IMMP1L: variants seen among roughly 807,000 people sequenced by gnomAD.
IMMP1L encodes the protein inner mitochondrial membrane peptidase subunit 1.
In IMMP1L, 24 loss-of-function variants were observed where a neutral mutation model predicts 21.8. The ratio of observed to expected loss-of-function variants is 1.10; its 90% CI spans 0.80 to 1.55. The LOEUF (loss-of-function observed/expected upper bound fraction) is 1.55, where lower values mean the gene tolerates loss of function less well. Ranked by LOEUF, IMMP1L falls within the 40% of genes most tolerant of loss-of-function variation. The pLI is 0.00. For missense variants in IMMP1L, 195 were observed against 200.7 expected, an observed-to-expected ratio of 0.97 and a Z score of 0.17; for synonymous variants, 46 against 62.8, an observed-to-expected ratio of 0.73 and a Z score of 1.26.
rs367614680 is a variant in IMMP1L, at chr11:31,494,788, G to C, written c.-30+14731C>G. Among the ~76,000 whole-genome samples the C allele has an allele frequency of 5.3e-5, 8 of 152,176 alleles. No individual in the cohort carries two copies. In the East Asian group the frequency reaches 1.4e-3, roughly 26 times the overall value. On this transcript the variant is annotated intron_variant, in intron 1 of 5. Coordinates refer to ENST00000532287, the MANE Select transcript of IMMP1L (RefSeq NM_001304274.2). The stretch of plus-strand genomic sequence containing the variant: ...AGCCTCCCAAGTAGCTGGGACTACA[G>C]GTGCCCGCCACCACGCCCAGCTAAT...
chr11:31,445,757 C>T (rs1953496275), intron 4 of IMMP1L, among the ~76,000 whole-genome samples: 1 of 150,336 alleles, frequency 6.7e-6, no homozygotes, highest in Non-Finnish European at 1.5e-5. Context: ...CAGAGTCTCA[C>T]TCTATTGCCC....
intron 4 of IMMP1L, among the ~76,000 whole-genome samples, chr11:31,441,317 G>C (rs1352453181): frequency 1.3e-5 from 2 of 150,150 alleles, no homozygotes; most frequent in Non-Finnish European, 3.0e-5. Context: ...AGGTGTTTCA[G>C]GGTTGGGCTT....
chr11:31,509,408 CTAGCAATTGCTTG>C, intron 1 of IMMP1L, 98 bp downstream of exon 1: 1 of 216,902 alleles, frequency 4.6e-6, no homozygotes, highest in East Asian at 9.4e-5. Context: ...GAGAAAGGTG[CTAGCAATTGCTTG>C]ATAAGCCCTA....
At chr11:31,453,205 C>T in intron 4 of IMMP1L, 1 of 768,312 alleles carries the variant, frequency 1.3e-6, no homozygotes, top group Admixed American at 3.0e-5. Flanking sequence ...ATAAAATGAT[C>T]CCACATCACT....
intron 1 of IMMP1L, among the ~76,000 whole-genome samples, chr11:31,474,276 GAAC>G (rs1430766798): frequency 6.6e-6 from 1 of 151,822 alleles, no homozygotes; most frequent in Non-Finnish European, 1.5e-5. Context: ...GACAAGTAGA[GAAC>G]AACAAAGACT....
At chr11:31,441,648 G>A (rs1203749538) in intron 4 of IMMP1L, among the ~76,000 whole-genome samples, 1 of 151,914 alleles carries the variant, frequency 6.6e-6, no homozygotes, top group African/African-American at 2.4e-5. Context: ...CTAGTTGTCA[G>A]TAAGTTGAAA....
intron 1 of IMMP1L, among the ~76,000 whole-genome samples, chr11:31,491,249 C>G (rs1955244648): frequency 6.6e-6 from 1 of 152,082 alleles, no homozygotes; most frequent in Non-Finnish European, 1.5e-5. Flanking sequence ...AAAAAGAAAT[C>G]TTAAGAGAAC....
intron 1 of IMMP1L, among the ~76,000 whole-genome samples, chr11:31,466,321 T>C (rs1390905757): frequency 6.6e-6 from 1 of 152,104 alleles, no homozygotes; most frequent in East Asian, 1.9e-4. Flanking sequence ...TGTAAATTAG[T>C]ACAGTCATGG....
intron 1 of IMMP1L, among the ~76,000 whole-genome samples, chr11:31,498,868 A>T (rs1955532238): frequency 6.6e-6 from 1 of 152,236 alleles, no homozygotes. Context: ...CATTACAGGG[A>T]CTACAATAGG....
chr11:31,505,074 C>T (rs1955736246), intron 1 of IMMP1L, among the ~76,000 whole-genome samples: 1 of 152,180 alleles, frequency 6.6e-6, no homozygotes, highest in South Asian at 2.1e-4. Context: ...CTGCTATATG[C>T]TTTACCTGCA....
chr11:31,439,234 C>T (rs1408445485), intron 4 of IMMP1L, among the ~76,000 whole-genome samples: 1 of 152,018 alleles, frequency 6.6e-6, no homozygotes, highest in Non-Finnish European at 1.5e-5. Context: ...CATCCATAGC[C>T]TTCATGTTAA....
intron 1 of IMMP1L, among the ~76,000 whole-genome samples, chr11:31,484,637 T>C (rs1055099515): frequency 2.6e-5 from 4 of 151,966 alleles, no homozygotes; most frequent in Admixed American, 2.0e-4. Context: ...ATTCCCAAAA[T>C]TGGTACTGAG....
At chr11:31,444,588 CTTTTT>C (rs1219601245) in intron 4 of IMMP1L, among the ~76,000 whole-genome samples, 2 of 130,400 alleles carry the variant, frequency 1.5e-5, no homozygotes, top group South Asian at 2.5e-4. Context: ...CATTTCTATT[CTTTTT>C]TTTTTTTTTT....
chr11:31,453,406 T>C (rs981171672), intron 4 of IMMP1L, among the ~76,000 whole-genome samples: 2 of 152,216 alleles, frequency 1.3e-5, no homozygotes, highest in Non-Finnish European at 2.9e-5. Flanking sequence ...ATTGTTCATT[T>C]TATTAAGCAG....
chr11:31,477,403 G>T, intron 1 of IMMP1L: 2 of 299,052 alleles, frequency 6.7e-6, no homozygotes, highest in Non-Finnish European at 9.9e-6. Flanking sequence ...GAATCATATA[G>T]CTTAGTTTGT....
intron 1 of IMMP1L, among the ~76,000 whole-genome samples, chr11:31,491,455 T>C (rs1243963341): frequency 1.3e-5 from 2 of 152,176 alleles, no homozygotes. Context: ...GGCAGAAAAC[T>C]TGGCTGAAAT....
chr11:31,473,235 G>C (rs899886453), intron 1 of IMMP1L, among the ~76,000 whole-genome samples: 15 of 152,116 alleles, frequency 9.9e-5, no homozygotes, highest in African/African-American at 3.6e-4. Flanking sequence ...ATTTTTAGTA[G>C]AGACGGGATT....
chr11:31,484,785 A>G (rs1294705168), intron 1 of IMMP1L, among the ~76,000 whole-genome samples: 1 of 151,916 alleles, frequency 6.6e-6, no homozygotes, highest in East Asian at 1.9e-4. Flanking sequence ...GGCCTCTAAA[A>G]TACTTTGTTT....
At chr11:31,488,094 C>T (rs967736080) in intron 1 of IMMP1L, 5 of 151,464 alleles carry the variant, frequency 3.3e-5, no homozygotes, top group South Asian at 2.1e-4. Context: ...AACATGAAAC[C>T]GACAGAAGAA....
Sources: gnomAD v4.1 joint callset for allele counts (sites outside exome capture counted in the v4.1 genomes callset) on GRCh38, gnomAD v4.1.1 for gene constraint, MANE v1.5 for transcripts, NCBI Gene and HGNC (gene_info 2026-07-23, HGNC 2026-07-21) for gene names.